Variants in TPTE2 observed in about 807,000 individuals in gnomAD.
The protein encoded by TPTE2 is transmembrane phosphoinositide 3-phosphatase and tensin homolog 2.
A neutral mutation model predicts 78.6 loss-of-function variants in TPTE2; 53 were observed. The ratio of observed to expected loss-of-function variants is 0.67; its 90% CI spans 0.54 to 0.85. The LOEUF (loss-of-function observed/expected upper bound fraction) is 0.85, where lower values mean the gene tolerates loss of function less well. TPTE2 is among the 40% of genes least tolerant of loss of function. The probability of loss-of-function intolerance (pLI) is 0.00; values close to 1 mark genes in which losing one functional copy is unlikely to be tolerated. For synonymous variants in TPTE2, 175 were observed against 206.2 expected (o/e 0.85, Z 1.30); for missense variants, 461 against 623.0 (o/e 0.74, Z 2.77).
chr13:19,532,607 G>T (rs1870954745), intron 1 of TPTE2, among the ~76,000 whole-genome samples: 2 of 152,168 alleles, frequency 1.3e-5, no homozygotes, highest in South Asian at 2.1e-4. Context: ...TGTTATAGCA[G>T]CTCAAAACAG....
chr13:19,452,547 A>C (rs1030608089), intron 10 of TPTE2, among the ~76,000 whole-genome samples: 4 of 152,192 alleles, frequency 2.6e-5, no homozygotes, highest in Non-Finnish European at 5.9e-5. Flanking sequence ...AAAAGAGAAA[A>C]TCTAACTGAT....
chr13:19,442,098 C>T (rs1307391653), intron 13 of TPTE2, among the ~76,000 whole-genome samples: 1 of 151,940 alleles, frequency 6.6e-6, no homozygotes, highest in Non-Finnish European at 1.5e-5. Flanking sequence ...GTACATAGAA[C>T]ACTGTTCTCA....
At chr13:19,447,376 A>G (rs1877909438) in intron 13 of TPTE2, among the ~76,000 whole-genome samples, 1 of 152,228 alleles carries the variant, frequency 6.6e-6, no homozygotes, top group Admixed American at 6.5e-5. Flanking sequence ...CTTCTTTAAT[A>G]ATAACATTTT....
chr13:19,475,166 C>A (rs1181649731), intron 5 of TPTE2, among the ~76,000 whole-genome samples: 1 of 151,808 alleles, frequency 6.6e-6, no homozygotes, highest in Non-Finnish European at 1.5e-5. Flanking sequence ...CAGTGTTTCT[C>A]ATTGAAGTAT....
the TPTE2 span, among the ~76,000 whole-genome samples, chr13:19,554,836 G>A: frequency 2.0e-5 from 3 of 152,222 alleles, no homozygotes; most frequent in African/African-American, 7.2e-5. Context: ...CACACTGACT[G>A]CTAGATTTTA....
At chr13:19,507,735 C>G (rs1188618544), upstream of TPTE2, among the ~76,000 whole-genome samples, 1 of 152,200 alleles carries the variant, frequency 6.6e-6, no homozygotes, top group Non-Finnish European at 1.5e-5. Flanking sequence ...ATTACAGCAG[C>G]TGAGCTTCAG....
chr13:19,497,551 A>G (rs1315569623), intron 1 of TPTE2, among the ~76,000 whole-genome samples: 1 of 73,732 alleles, frequency 1.4e-5, no homozygotes, highest in African/African-American at 3.2e-5. Flanking sequence ...CTGACACCTC[A>G]CATGGCAGGG....
chr13:19,444,996 C>A lies in TPTE2; in HGVS notation c.973+5080G>T, dbSNP rs192061902. 9.2e-5 allele frequency among the ~76,000 whole-genome samples: 14 copies of A among 152,226 alleles called. No individual in the cohort carries two copies. In the East Asian group the frequency reaches 1.7e-3, roughly 19 times the overall value. On this transcript the variant is annotated intron_variant, in intron 13 of 19. Coordinates refer to ENST00000400230, the Ensembl canonical transcript of TPTE2. The stretch of plus-strand genomic sequence containing the variant: ...TAAATCAAGTTTAAAAGGAATGAAC[C>A]TTCTCGAAGAAAATATAGTAGTAAA...
intron 1 of TPTE2, among the ~76,000 whole-genome samples, chr13:19,493,779 G>A (rs181649823): frequency 1.0e-3 from 156 of 152,210 alleles, no homozygotes; most frequent in Non-Finnish European, 1.7e-3. Flanking sequence ...AGATTTTCTG[G>A]TGGCAATTAT....
chr13:19,473,955 T>C (rs1879785290), exon 6 of TPTE2: 1 of 1,604,796 alleles, frequency 6.2e-7, no homozygotes, highest in Admixed American at 1.7e-5. Context: ...TGAGAAAAAA[T>C]AAGCCAATAG....
At chr13:19,554,681 T>C in the TPTE2 span, among the ~76,000 whole-genome samples, 1 of 152,204 alleles carries the variant, frequency 6.6e-6, no homozygotes, top group South Asian at 2.1e-4. Context: ...TCCTTCAGCT[T>C]ACCTCTTTAC....
chr13:19,438,286 G>C (rs1035805692), intron 13 of TPTE2, 133 bp from the exon 17 acceptor site: 49 of 1,331,556 alleles, frequency 3.7e-5, no homozygotes, highest in Non-Finnish European at 4.8e-5. Flanking sequence ...ACGCAGGCTG[G>C]AGTGCAGTGG....
At chr13:19,531,862 G>T (rs963518971) in intron 1 of TPTE2, among the ~76,000 whole-genome samples, 1 of 152,192 alleles carries the variant, frequency 6.6e-6, no homozygotes, top group Non-Finnish European at 1.5e-5. Flanking sequence ...GGGAGGCAGA[G>T]GTTGCAGTGA....
At chr13:19,426,599 G>T in intron 17 of TPTE2, 82 bp from the exon 21 acceptor site, 1 of 779,416 alleles carries the variant, frequency 1.3e-6, no homozygotes. Context: ...ATGACTTCCT[G>T]TATTTATCAA....
upstream of TPTE2, among the ~76,000 whole-genome samples, chr13:19,537,625 CAG>C (rs1198195493): frequency 7.3e-5 from 11 of 149,672 alleles, no homozygotes; most frequent in Non-Finnish European, 1.3e-4. Flanking sequence ...TTTTTTGAGC[CAG>C]AGTCTCACTC....
intron 19 of TPTE2, 34 bp from the exon 23 acceptor site, chr13:19,423,198 T>C: frequency 6.5e-7 from 1 of 1,550,006 alleles, no homozygotes; most frequent in Non-Finnish European, 8.7e-7. Flanking sequence ...CATTTTATAT[T>C]GGGGCTCACC....
At chr13:19,442,562 C>T (rs546295366) in intron 13 of TPTE2, among the ~76,000 whole-genome samples, 16 of 151,734 alleles carry the variant, frequency 1.1e-4, no homozygotes, top group African/African-American at 3.9e-4. Context: ...TACTAGATAT[C>T]ATAGTAATTG....
At chr13:19,441,247 T>C (rs1381525185) in intron 13 of TPTE2, among the ~76,000 whole-genome samples, 3 of 152,108 alleles carry the variant, frequency 2.0e-5, no homozygotes, top group African/African-American at 4.8e-5. Context: ...GTGGCAATAA[T>C]GGACCCTGGG....
intron 1 of TPTE2, among the ~76,000 whole-genome samples, chr13:19,527,685 G>T (rs1870591206): frequency 6.6e-6 from 1 of 152,010 alleles, no homozygotes; most frequent in Non-Finnish European, 1.5e-5. Context: ...GACCAGCCTG[G>T]GCAACATGAC....
Sources: allele counts gnomAD v4.1 joint callset (sites outside exome capture counted in the v4.1 genomes callset), GRCh38; gene constraint gnomAD v4.1.1; transcripts MANE v1.5; gene names NCBI Gene and HGNC (gene_info 2026-07-23, HGNC 2026-07-21).